The following NR5A2 variants were observed in gnomAD, a reference collection of about 807,000 sequenced individuals.
NR5A2 encodes the protein nuclear receptor subfamily 5 group A member 2.
NR5A2 carries 26 observed loss-of-function variants against 62.7 expected under a neutral mutation model. The ratio of observed to expected loss-of-function variants is 0.41; its 90% CI spans 0.30 to 0.58. NR5A2 has a LOEUF of 0.58. Among genes scored for constraint, NR5A2 ranks in the 20% least tolerant of loss-of-function variants. NR5A2 has a pLI of 0.22. For missense variants in NR5A2, 541 were observed against 669.1 expected (o/e 0.81, Z 2.11); for synonymous variants, 246 against 241.7 (o/e 1.02, Z -0.16).
In NR5A2 at chr1:200,143,558, G is replaced by A. The variant is rs375666093; in HGVS notation, c.1378+22603G>A. Among the ~76,000 whole-genome samples the A allele has an allele frequency of 1.8e-4, 28 of 151,502 alleles. No homozygotes were observed. The South Asian group carries it at 5.8e-3, about 32-fold the overall frequency. ...ACCTAGCTCTGGTTGCCACATGCAT[G>A]GTTGCCACACTTTAGGCCCCAACAC... On this transcript the variant is annotated intron_variant, in intron 7 of 7. Coordinates refer to ENST00000367362, the MANE Select transcript of NR5A2 (RefSeq NM_205860.3).
chr1:200,142,520 A>AG (rs1448854782), intron 7 of NR5A2, among the ~76,000 whole-genome samples: 2 of 151,804 alleles, frequency 1.3e-5, no homozygotes, highest in African/African-American at 4.8e-5. Flanking sequence ...TTTTAAAAAA[A>AG]AATTATTATT....
At chr1:200,156,047 A>T (rs1396006220) in intron 7 of NR5A2, among the ~76,000 whole-genome samples, 1 of 152,250 alleles carries the variant, frequency 6.6e-6, no homozygotes, top group Non-Finnish European at 1.5e-5. Flanking sequence ...ACTGAAACTT[A>T]GAGAACTATG....
rs921777604 is a variant in NR5A2 at position 200,147,315 on chromosome 1, C to G, written c.1378+26360C>G. 6.6e-6 allele frequency among the ~76,000 whole-genome samples: 1 copy of G among 152,180 alleles called. No individual in the cohort carries two copies. Among genetic ancestry groups the G allele is most frequent in the African/African-American group, 2.4e-5 (1 of 41,456 alleles). Reference sequence around the variant, plus strand: ...TGCTGTGCCAGGCGCCTACTGTGCGCTCCTCTCCTCATCCAGCAAAGCTCG... The same window carrying G: ...TGCTGTGCCAGGCGCCTACTGTGCGGTCCTCTCCTCATCCAGCAAAGCTCG... On this transcript the variant is annotated intron_variant, in intron 7 of 7. Coordinates refer to ENST00000367362, the MANE Select transcript of NR5A2 (RefSeq NM_205860.3). The surrounding 1 kb of genome is among the most constrained non-coding windows in gnomAD (Gnocchi z 4.9).
chr1:200,064,315 A>G (rs1316247042), intron 5 of NR5A2, among the ~76,000 whole-genome samples: 1 of 152,192 alleles, frequency 6.6e-6, no homozygotes, highest in Non-Finnish European at 1.5e-5. Context: ...ACAGCACACT[A>G]ATAACCCCAG....
intron 7 of NR5A2, among the ~76,000 whole-genome samples, chr1:200,153,962 T>A (rs1416545054): frequency 1.3e-5 from 2 of 152,204 alleles, no homozygotes; most frequent in African/African-American, 2.4e-5. Context: ...AGTTCATATG[T>A]CAAAAAGAGG....
At chr1:200,053,144 C>A (rs766659383) in intron 5 of NR5A2, among the ~76,000 whole-genome samples, 6 of 152,126 alleles carry the variant, frequency 3.9e-5, no homozygotes, top group Non-Finnish European at 8.8e-5. Context: ...AGTTACAACT[C>A]CCCAACTCTC....
At chr1:200,040,229 A>G (rs1255633840) in intron 2 of NR5A2, among the ~76,000 whole-genome samples, 1 of 152,206 alleles carries the variant, frequency 6.6e-6, no homozygotes, top group East Asian at 1.9e-4. Context: ...AGTCAACTAC[A>G]GAAAGAGGTG....
intron 1 of NR5A2, among the ~76,000 whole-genome samples, chr1:200,032,228 C>A (rs1266355714): frequency 1.3e-5 from 2 of 152,216 alleles, no homozygotes; most frequent in African/African-American, 2.4e-5. Flanking sequence ...CTTCAAGGAA[C>A]TTCAGGAGGG....
chr1:200,122,651 A>G (rs1666528540), intron 7 of NR5A2, among the ~76,000 whole-genome samples: 1 of 152,128 alleles, frequency 6.6e-6, no homozygotes, highest in African/African-American at 2.4e-5. Flanking sequence ...TGGGCCATGT[A>G]TTTACCAGAA....
rs566139141 is a variant in NR5A2, at chr1:200,031,413, C to T, written c.64+3502C>T. On this transcript the variant is annotated intron_variant, in intron 1 of 7. Coordinates refer to ENST00000367362, the MANE Select transcript of NR5A2 (RefSeq NM_205860.3). ...GTGCCTGTAGTCCTAGTGACTAGGG[C>T]TTGGGGGTTGAGGTAGGAAGATCAC... 5.3e-5 allele frequency among the ~76,000 whole-genome samples: 8 copies of T among 151,968 alleles called. No homozygotes were observed. The East Asian group carries it at 1.4e-3, about 26-fold the overall frequency.
At chr1:200,128,507 G>A (rs887343374) in intron 7 of NR5A2, among the ~76,000 whole-genome samples, 2 of 152,304 alleles carry the variant, frequency 1.3e-5, no homozygotes, top group Admixed American at 6.5e-5. Context: ...AAAGCCAAAT[G>A]ATCATAGCTT....
chr1:200,121,083 T>C (rs769349063), intron 7 of NR5A2, 128 bp downstream of exon 7: 4 of 958,368 alleles, frequency 4.2e-6, no homozygotes, highest in Admixed American at 2.3e-5. Context: ...AATTATGAAA[T>C]CTTCAAACGT....
At chr1:200,075,591 T>C (rs1663987101) in intron 5 of NR5A2, among the ~76,000 whole-genome samples, 1 of 152,276 alleles carries the variant, frequency 6.6e-6, no homozygotes, top group Non-Finnish European at 1.5e-5. Flanking sequence ...AGTAATCTGT[T>C]GCGTGCACTT....
chr1:200,133,383 G>A (rs1385920052), intron 7 of NR5A2, among the ~76,000 whole-genome samples: 1 of 151,806 alleles, frequency 6.6e-6, no homozygotes, highest in Non-Finnish European at 1.5e-5. Flanking sequence ...GTCCTGAGTG[G>A]CCATGCTGGA....
intron 7 of NR5A2, among the ~76,000 whole-genome samples, chr1:200,168,816 T>C (rs184510780): frequency 3.4e-4 from 52 of 152,334 alleles, no homozygotes; most frequent in Admixed American, 3.4e-3. Context: ...TCTTACAAAA[T>C]TAGTTATGCA....
intron 7 of NR5A2, chr1:200,148,085 C>G (rs1558168151): frequency 3.5e-6 from 1 of 289,548 alleles, no homozygotes; most frequent in East Asian, 9.6e-5. Context: ...CGAAGGTATC[C>G]ACCAGGTTGA....
intron 7 of NR5A2, among the ~76,000 whole-genome samples, chr1:200,150,962 T>C (rs577936189): frequency 6.6e-6 from 1 of 152,274 alleles, no homozygotes; most frequent in South Asian, 2.1e-4. Context: ...AGTTAAGAAT[T>C]GAAGGTAGTT....
chr1:200,058,206 T>A (rs1663014193), intron 5 of NR5A2: 1 of 152,248 alleles, frequency 6.6e-6, no homozygotes, highest in Non-Finnish European at 1.5e-5. Context: ...TAACTGGCCT[T>A]TCATCAATGG....
chr1:200,067,882 G>A (rs990045695), intron 5 of NR5A2, among the ~76,000 whole-genome samples: 1 of 152,176 alleles, frequency 6.6e-6, no homozygotes, highest in South Asian at 2.1e-4. Context: ...AACATTTAGT[G>A]CTTCCTCCCT....
Sources: gnomAD v4.1 joint callset for allele counts (sites outside exome capture counted in the v4.1 genomes callset) on GRCh38, gnomAD v4.1.1 for gene constraint, Gnocchi (gnomAD v3.1) non-coding constraint, MANE v1.5 for transcripts, NCBI Gene and HGNC (gene_info 2026-07-23, HGNC 2026-07-21) for gene names.